Variants in ZFHX3 observed in about 807,000 individuals in gnomAD.
The protein encoded by ZFHX3 is zinc finger homeobox 3, also known as zinc finger homeobox protein 3.
A neutral mutation model predicts 279.1 loss-of-function variants in ZFHX3; 42 were observed. The ratio of observed to expected loss-of-function variants is 0.15; its 90% confidence interval spans 0.12 to 0.19. ZFHX3 has a LOEUF of 0.19. Among genes scored for constraint, ZFHX3 ranks in the 10% least tolerant of loss-of-function variants. ZFHX3 has a pLI of 1.00. For missense variants in ZFHX3, 4,981 were observed against 4,754.0 expected (o/e 1.05, Z -1.40); for synonymous variants, 2,293 against 1,957.8 (o/e 1.17, Z -4.52).
chr16:73,884,139 T>C (rs914906299), intron 1 of ZFHX3, among the ~76,000 whole-genome samples: 5 of 152,220 alleles, frequency 3.3e-5, no homozygotes, highest in African/African-American at 4.8e-5. Flanking sequence ...TACTCGCATA[T>C]TGAAAATAAA....
intron 3 of ZFHX3, among the ~76,000 whole-genome samples, chr16:73,333,735 C>A (rs991185729): frequency 1.6e-5 from 2 of 124,646 alleles, no homozygotes; most frequent in Non-Finnish European, 3.2e-5. Context: ...CTGCTTCAAA[C>A]AGAAACACTG....
Position 72,940,766 on chromosome 16 carries a change from C to T in ZFHX3, c.3216+9703G>A, listed in dbSNP as rs79941801. Among the ~76,000 whole-genome samples, 749 of 152,326 alleles carry T rather than the reference C, an allele frequency of 4.9e-3. 4 individuals carry two copies. The highest frequency in any genetic ancestry group is 0.017 in the African/African-American group (707 of 41,584). On this transcript the variant is annotated intron_variant, in intron 3 of 9. Coordinates refer to ENST00000268489, the MANE Select transcript of ZFHX3 (RefSeq NM_006885.4). The stretch of plus-strand genomic sequence containing the variant: ...GCTTTGGAGGCTCTCATCCTGAGTC[C>T]GGGAACATGCTCCACTCATTAACAG...
At chr16:73,555,176 G>A (rs2020258061) in intron 2 of ZFHX3, among the ~76,000 whole-genome samples, 1 of 151,800 alleles carries the variant, frequency 6.6e-6, no homozygotes, top group African/African-American at 2.4e-5. Flanking sequence ...TTTTTTTGAG[G>A]AGGAGTCTCG....
intron 3 of ZFHX3, among the ~76,000 whole-genome samples, chr16:73,398,226 T>G (rs1333081043): frequency 6.6e-6 from 1 of 152,184 alleles, no homozygotes; most frequent in Non-Finnish European, 1.5e-5. Context: ...GAGAGATTAC[T>G]GAGGAGTCTT....
intron 1 of ZFHX3, among the ~76,000 whole-genome samples, chr16:73,838,124 G>C (rs938408378): frequency 6.6e-6 from 1 of 152,240 alleles, no homozygotes; most frequent in African/African-American, 2.4e-5. Flanking sequence ...AAATGTCAGA[G>C]AGTTGTCAGG....
chr16:72,869,414 A>G (rs751620770), intron 4 of ZFHX3, among the ~76,000 whole-genome samples: 2 of 152,182 alleles, frequency 1.3e-5, no homozygotes, highest in Non-Finnish European at 2.9e-5. Flanking sequence ...ATTTAGAAAT[A>G]AGTTACAATT....
chr16:72,783,197 T>TTTC lies in ZFHX3; in HGVS notation c.*3964_*3966dup, dbSNP rs1430513581. 6.6e-6 allele frequency: 1 copy of TTTC among 152,516 alleles called. No individual in the cohort carries two copies. Among genetic ancestry groups the TTTC allele is most frequent in the Non-Finnish European group, 1.5e-5 (1 of 68,028 alleles). The allele number at this position is 152,516 out of a possible 1,614,324, so 9.4% of individuals were successfully genotyped here. A position where few individuals can be genotyped will look rare whatever the true frequency, so the allele number is the denominator to read the frequency against. On this transcript the variant is annotated 3_prime_UTR_variant, in exon 10 of 10. Transcript: ENST00000268489. ...TTTTTTTTGTTGTTTTTTGTTTTTT[T>TTTC]TTCTTTTTGTACATTGCAAAGGCTG...
At chr16:73,188,217 CAG>C (rs1415907746) in intron 5 of ZFHX3, among the ~76,000 whole-genome samples, 1 of 151,950 alleles carries the variant, frequency 6.6e-6, no homozygotes, top group Non-Finnish European at 1.5e-5. Context: ...TTTTAAGAGA[CAG>C]GGTCTGGCTC....
chr16:73,529,410 T>C (rs2019752801), intron 2 of ZFHX3, among the ~76,000 whole-genome samples: 1 of 152,208 alleles, frequency 6.6e-6, no homozygotes, highest in Admixed American at 6.5e-5. Flanking sequence ...CGGGTTTCAC[T>C]CATGTGATGT....
At chr16:73,768,264 G>A (rs2053976297) in intron 1 of ZFHX3, among the ~76,000 whole-genome samples, 2 of 152,092 alleles carry the variant, frequency 1.3e-5, no homozygotes, top group Non-Finnish European at 2.9e-5. Flanking sequence ...AGAAAGCAAG[G>A]AGACCCACTA....
intron 1 of ZFHX3, among the ~76,000 whole-genome samples, chr16:73,763,750 G>A (rs1041529830): frequency 2.0e-5 from 3 of 152,148 alleles, no homozygotes; most frequent in African/African-American, 7.2e-5. Flanking sequence ...TTAATCAAAA[G>A]AGATTATCAT....
chr16:73,373,925 C>T lies in ZFHX3; in HGVS notation c.-1290-55589G>A, dbSNP rs1036335728. 4.6e-5 allele frequency among the ~76,000 whole-genome samples: 7 copies of T among 152,296 alleles called. No individual in the cohort carries two copies. The South Asian group carries it at 1.4e-3, about 32-fold the overall frequency. ...GAAAGTTATGCTGCTAAAATAAATG[C>T]TATGTTATTGCACATGAGATTGACA... On this transcript the variant is annotated intron_variant, in intron 3 of 17. Coordinates refer to the ZFHX3 transcript ENST00000641206.
At chr16:73,031,329 A>G (rs1007900875) in intron 1 of ZFHX3, among the ~76,000 whole-genome samples, 5 of 152,188 alleles carry the variant, frequency 3.3e-5, no homozygotes, top group African/African-American at 1.2e-4. Context: ...TGTTCACACC[A>G]GCGAAGGAAG....
intron 2 of ZFHX3, among the ~76,000 whole-genome samples, chr16:73,541,913 T>A (rs2020022289): frequency 6.7e-6 from 1 of 149,882 alleles, no homozygotes; most frequent in Admixed American, 6.7e-5. Context: ...GCAATTCTTC[T>A]GCCTCAGCCT....
intron 3 of ZFHX3, among the ~76,000 whole-genome samples, chr16:73,364,751 G>C (rs2016500758): frequency 6.6e-6 from 1 of 152,166 alleles, no homozygotes. Flanking sequence ...AGCACCCTGC[G>C]ACCGTGTGGT....
rs200201291 is a variant in ZFHX3 at position 72,959,499 on chromosome 16, G to T, written c.647C>A (p.Pro216Gln). The T allele has an allele frequency of 6.2e-7, 1 of 1,614,258 alleles. No individual in the cohort carries two copies. Among genetic ancestry groups the T allele is most frequent in the Admixed American group, 1.7e-5 (1 of 60,034 alleles). The change falls in exon 2 of 10, where the codon CCG becomes CAG. Residue 216 changes from proline to glutamine, a missense_variant. Physicochemically the swap from Pro to Gln is moderately conservative, Grantham distance 76. Around this residue, in one of 7 missense-constraint regions of ZFHX3, gnomAD observed 1,068 missense variants for 935.2 expected, o/e 1.14. Coordinates refer to ENST00000268489, the MANE Select transcript of ZFHX3 (RefSeq NM_006885.4). ...GAGCCCCGCCAGGGCTGAGGTATTC[G>T]GGAAAGCCTGGTCTGGGCCCTCAAA... Reference protein sequence around the residue: ...KWFEGPDQAFPNTSALAGLSP... With the variant: ...KWFEGPDQAFQNTSALAGLSP...
At chr16:72,848,234 G>A (rs1388320341) in intron 4 of ZFHX3, among the ~76,000 whole-genome samples, 1 of 152,048 alleles carries the variant, frequency 6.6e-6, no homozygotes, top group African/African-American at 2.4e-5. Flanking sequence ...GCTGTTCCCT[G>A]CGCTAAGCAG....
intron 1 of ZFHX3, among the ~76,000 whole-genome samples, chr16:73,046,879 A>G (rs1485013695): frequency 1.6e-5 from 2 of 127,418 alleles, no homozygotes; most frequent in Admixed American, 1.7e-4. Flanking sequence ...GTCTTCAAGG[A>G]CTGTTAAATG....
intron 3 of ZFHX3, 55 bp downstream of exon 3, chr16:72,950,414 G>A (rs1211276285): frequency 1.3e-6 from 2 of 1,582,832 alleles, no homozygotes; most frequent in Non-Finnish European, 1.7e-6. Context: ...ACTCCCCGGT[G>A]CGCAACCCCC....
Sources: gnomAD v4.1 joint callset for allele counts (sites outside exome capture counted in the v4.1 genomes callset) on GRCh38, gnomAD v4.1.1 for gene constraint, gnomAD v4.1.1 regional missense constraint, MANE v1.5 for transcripts, NCBI Gene and HGNC (gene_info 2026-07-23, HGNC 2026-07-21) for gene names.